The following TLE4 variants were observed in gnomAD, a reference collection of about 807,000 sequenced individuals.
TLE4 encodes transducin-like enhancer protein 4.
A neutral mutation model predicts 92.8 loss-of-function variants in TLE4; 8 were observed. The ratio of observed to expected loss-of-function variants is 0.09; its 90% CI spans 0.05 to 0.16. The LOEUF (loss-of-function observed/expected upper bound fraction) is 0.16. Among genes scored for constraint, TLE4 ranks in the 10% least tolerant of loss-of-function variants. The pLI is 1.00. For synonymous variants in TLE4, 371 were observed against 374.1 expected, an observed-to-expected ratio of 0.99 and a Z score of 0.10; for missense variants, 675 against 997.6, an observed-to-expected ratio of 0.68 and a Z score of 4.36.
chr9:79,585,420 C>T (rs1191594364), intron 4 of TLE4, among the ~76,000 whole-genome samples: 3 of 152,188 alleles, frequency 2.0e-5, no homozygotes, highest in Non-Finnish European at 1.5e-5. Context: ...TTGGAATACT[C>T]CACCATCAGC....
chr9:79,603,686 A>T (rs1353461506), intron 4 of TLE4, among the ~76,000 whole-genome samples: 1 of 152,182 alleles, frequency 6.6e-6, no homozygotes, highest in Non-Finnish European at 1.5e-5. Flanking sequence ...CTGAACCCAC[A>T]GTATCTCTTG....
chr9:79,589,654 T>G (rs763361786), intron 4 of TLE4, among the ~76,000 whole-genome samples: 4 of 152,200 alleles, frequency 2.6e-5, no homozygotes, highest in Non-Finnish European at 4.4e-5. Context: ...ACTCCTTGTC[T>G]AGGTTTTTCA....
chr9:79,667,226 C>T (rs577324250), intron 8 of TLE4, among the ~76,000 whole-genome samples: 34 of 152,190 alleles, frequency 2.2e-4, no homozygotes, highest in African/African-American at 7.0e-4. Flanking sequence ...TCCTGGGTAC[C>T]CAGCTCATGG....
chr9:79,722,736 G>GCCTGCTT (rs2136282276), intron 18 of TLE4, 135 bp downstream of exon 18: 1 of 1,152,880 alleles, frequency 8.7e-7, no homozygotes, highest in Admixed American at 2.5e-5. Context: ...CCTGATACAT[G>GCCTGCTT]CCTGCTTCCC....
chr9:79,637,175 C>A (rs941207149), intron 6 of TLE4, among the ~76,000 whole-genome samples: 2 of 121,200 alleles, frequency 1.7e-5, no homozygotes, highest in Non-Finnish European at 1.7e-5. Flanking sequence ...AGGTTTATCA[C>A]CTCCCTAGGC....
intron 4 of TLE4, among the ~76,000 whole-genome samples, chr9:79,596,413 G>A (rs570063846): frequency 4.8e-4 from 73 of 152,198 alleles, no homozygotes; most frequent in Admixed American, 1.8e-3. Context: ...GTCTTTTCTG[G>A]GTAAAAGTGC....
intron 5 of TLE4, among the ~76,000 whole-genome samples, chr9:79,620,822 C>T (rs2050768822): frequency 1.3e-5 from 2 of 152,094 alleles, no homozygotes; most frequent in Non-Finnish European, 2.9e-5. Flanking sequence ...TACTTGGCTT[C>T]TGGGGAGGAC....
At chr9:79,589,979 G>A (rs2042135924) in intron 4 of TLE4, among the ~76,000 whole-genome samples, 2 of 152,134 alleles carry the variant, frequency 1.3e-5, no homozygotes, top group Admixed American at 6.5e-5. Flanking sequence ...CACAATATGG[G>A]TTCGTTTTTA....
At chr9:79,705,026 CATT>C in intron 9 of TLE4, 124 bp downstream of exon 9, 1 of 1,381,924 alleles carries the variant, frequency 7.2e-7, no homozygotes, top group Non-Finnish European at 9.9e-7. Context: ...AGACAAAAAA[CATT>C]TATTGTATTT....
At chr9:79,607,883 C>CT (rs1374834683) in intron 4 of TLE4, among the ~76,000 whole-genome samples, 125 of 150,684 alleles carry the variant, frequency 8.3e-4, no homozygotes, top group African/African-American at 2.8e-3. Flanking sequence ...GCAATGCGGG[C>CT]TTTTTTTTTG....
intron 5 of TLE4, among the ~76,000 whole-genome samples, chr9:79,619,295 A>G (rs914133701): frequency 1.2e-4 from 18 of 152,228 alleles, no homozygotes; most frequent in African/African-American, 3.9e-4. Flanking sequence ...ATTGTGATAT[A>G]TGAGTATATC....
At chr9:79,584,560 G>A (rs535694320) in intron 4 of TLE4, among the ~76,000 whole-genome samples, 18 of 152,164 alleles carry the variant, frequency 1.2e-4, no homozygotes, top group Non-Finnish European at 2.5e-4. Context: ...TTACTGCTGT[G>A]TACCCGGTGT....
At chr9:79,625,921 A>T (rs2052501555) in intron 5 of TLE4, among the ~76,000 whole-genome samples, 1 of 150,488 alleles carries the variant, frequency 6.6e-6, no homozygotes, top group African/African-American at 2.4e-5. Flanking sequence ...ATATTTTGGG[A>T]TTGCTTCTTA....
At chr9:79,595,473 T>A (rs192638626) in intron 4 of TLE4, among the ~76,000 whole-genome samples, 24 of 152,350 alleles carry the variant, frequency 1.6e-4, no homozygotes, top group Non-Finnish European at 5.9e-5. Context: ...AACCGTTATC[T>A]TTTTGCTGAT....
At chr9:79,585,208 G>A (rs2040754882) in intron 4 of TLE4, among the ~76,000 whole-genome samples, 1 of 152,146 alleles carries the variant, frequency 6.6e-6, no homozygotes, top group South Asian at 2.1e-4. Flanking sequence ...TTATAGTGTC[G>A]ATAATATTTC....
chr9:79,622,047 T>C (rs975569343), intron 5 of TLE4, among the ~76,000 whole-genome samples: 8 of 152,210 alleles, frequency 5.3e-5, no homozygotes, highest in Non-Finnish European at 1.0e-4. Flanking sequence ...CTGCTTAAAA[T>C]TTTTTAATAA....
intron 3 of TLE4, 70 bp downstream of exon 3, chr9:79,575,006 A>C: frequency 7.6e-7 from 1 of 1,322,626 alleles, no homozygotes; most frequent in Non-Finnish European, 1.1e-6. Flanking sequence ...ATATGTTTAA[A>C]TTGCTGGGGG....
chr9:79,650,221 T>G (rs1266228678), intron 6 of TLE4, among the ~76,000 whole-genome samples: 1 of 152,022 alleles, frequency 6.6e-6, no homozygotes, highest in Non-Finnish European at 1.5e-5. Flanking sequence ...AGGCTTGGGT[T>G]TTTTTTTGGT....
intron 6 of TLE4, among the ~76,000 whole-genome samples, chr9:79,636,804 C>T (rs1052832618): frequency 2.0e-5 from 3 of 152,084 alleles, no homozygotes; most frequent in Non-Finnish European, 4.4e-5. Flanking sequence ...AAGCCTAGAG[C>T]GATAGGTATC....
Sources: allele counts gnomAD v4.1 joint callset (sites outside exome capture counted in the v4.1 genomes callset), GRCh38; gene constraint gnomAD v4.1.1; transcripts MANE v1.5; gene names NCBI Gene and HGNC (gene_info 2026-07-23, HGNC 2026-07-21).